The following MSN variants were observed in gnomAD, a reference collection of about 807,000 sequenced individuals.
The protein encoded by MSN is moesin.
Under a neutral mutation model 48.0 loss-of-function variants are expected in MSN, and 2 were observed. That is an observed-to-expected ratio of 0.04 (90% CI 0.02 to 0.13). The LOEUF (loss-of-function observed/expected upper bound fraction) is 0.13. MSN is among the 10% of genes least tolerant of loss of function. The pLI, the probability that MSN is intolerant of heterozygous loss-of-function variation, is 1.00. For missense variants in MSN, 267 were observed against 470.1 expected, an observed-to-expected ratio of 0.57 and a Z score of 3.99; for synonymous variants, 146 against 166.9, an observed-to-expected ratio of 0.87 and a Z score of 0.97.
chrX:65,625,826 T>G, intron 1 of MSN: 1 of 111,896 alleles, frequency 8.9e-6, no homozygotes, highest in Non-Finnish European at 1.9e-5. Flanking sequence ...TTTGTATTTC[T>G]TTTTCCCTTT....
At chrX:65,697,798 G>C (rs1451492965) in intron 1 of MSN, among the ~76,000 whole-genome samples, 3 of 112,427 alleles carry the variant, frequency 2.7e-5, no homozygotes, top group African/African-American at 9.7e-5. Flanking sequence ...GTCAATTTGT[G>C]TTTTTCCAGA....
intron 1 of MSN, among the ~76,000 whole-genome samples, chrX:65,656,167 A>G (rs1276760620): frequency 9.0e-6 from 1 of 111,684 alleles, no homozygotes; most frequent in African/African-American, 3.3e-5. Flanking sequence ...TCCCTTGATT[A>G]TTATAGTATT....
chrX:65,606,769 T>C (rs1473659945), intron 1 of MSN, among the ~76,000 whole-genome samples: 1 of 112,806 alleles, frequency 8.9e-6, no homozygotes, highest in East Asian at 2.8e-4. Context: ...GAACAGGGAC[T>C]GTCCATCGTA....
At chrX:65,648,916 A>ATAAAATAAAATAAAT (rs1179909957) in intron 1 of MSN, among the ~76,000 whole-genome samples, 1 of 109,762 alleles carries the variant, frequency 9.1e-6, no homozygotes, top group Non-Finnish European at 1.9e-5. Flanking sequence ...ATAAAATAAA[A>ATAAAATAAAATAAAT]TAAAATAAAA....
chrX:65,617,657 G>C (rs1243874611), intron 1 of MSN, among the ~76,000 whole-genome samples: 2 of 97,434 alleles, frequency 2.1e-5, no homozygotes, highest in African/African-American at 8.5e-5. Flanking sequence ...CAAAAAACCA[G>C]CTCCTGGATT....
intron 1 of MSN, among the ~76,000 whole-genome samples, chrX:65,609,305 A>C (rs1244234706): frequency 9.1e-6 from 1 of 109,787 alleles, no homozygotes; most frequent in Non-Finnish European, 1.9e-5. Flanking sequence ...AAGGGGATAT[A>C]GGGTTTCCAT....
intron 1 of MSN, among the ~76,000 whole-genome samples, chrX:65,637,065 G>A (rs1420182726): frequency 1.9e-5 from 2 of 105,658 alleles, no homozygotes; most frequent in Non-Finnish European, 3.9e-5. Context: ...TCTCCAGCCT[G>A]GACGACACAG....
intron 1 of MSN, among the ~76,000 whole-genome samples, chrX:65,638,864 G>A (rs2070626756): frequency 9.0e-6 from 1 of 111,694 alleles, no homozygotes; most frequent in South Asian, 3.7e-4. Flanking sequence ...AGAAAAACCT[G>A]GATATGAATC....
intron 6 of MSN, among the ~76,000 whole-genome samples, 173 bp from the exon 7 acceptor site, chrX:65,733,011 G>T (rs773178831): frequency 4.6e-5 from 5 of 109,472 alleles, no homozygotes; most frequent in South Asian, 4.0e-4. Context: ...AAGCCCAAGA[G>T]TTCAAGACCA....
At chrX:65,623,368 C>CTTTTTTT (rs773663630) in intron 1 of MSN, among the ~76,000 whole-genome samples, 1 of 74,174 alleles carries the variant, frequency 1.3e-5, no homozygotes, top group African/African-American at 4.8e-5. Context: ...TCTTTCTTTT[C>CTTTTTTT]TTTTTTTTTT....
chrX:65,642,471 C>T (rs1247199948), intron 1 of MSN, among the ~76,000 whole-genome samples: 1 of 110,127 alleles, frequency 9.1e-6, no homozygotes, highest in Non-Finnish European at 1.9e-5. Flanking sequence ...CAGGTTTGGG[C>T]ATGGCATACC....
At position 65,740,699 on chromosome X, in the gene MSN, C is replaced by T. The variant is rs193214340; in HGVS notation, c.*806C>T. 33 of 172,347 alleles carry T rather than the reference C, an allele frequency of 1.9e-4. No homozygotes were observed. Among genetic ancestry groups the T allele is most frequent in the Non-Finnish European group, 2.2e-5 (2 of 90,469 alleles). The allele number at this position is 172,347 out of a possible 1,213,427, so 14.2% of individuals were successfully genotyped here. On this transcript the variant is annotated 3_prime_UTR_variant, in exon 13 of 13. Coordinates refer to ENST00000360270, the MANE Select transcript of MSN (RefSeq NM_002444.3). ...GCTCTATGGGCAGATCTACCCCTTACTTATTATTCCAGATCTGCAGTCACT... is the reference window on the plus strand; with the variant it reads ...GCTCTATGGGCAGATCTACCCCTTATTTATTATTCCAGATCTGCAGTCACT...
chrX:65,716,703 G>T, intron 1 of MSN, 115 bp from the exon 2 acceptor site: 1 of 595,091 alleles, frequency 1.7e-6, no homozygotes, highest in African/African-American at 2.2e-5. Flanking sequence ...TATCTAAGTT[G>T]CCCAGGCTCT....
chrX:65,588,463 G>A (rs1244191680), exon 1 of MSN: 1 of 586,109 alleles, frequency 1.7e-6, no homozygotes, highest in Non-Finnish European at 2.1e-6. Flanking sequence ...TGGCCCTGGG[G>A]CCTGAGATCT....
intron 1 of MSN, among the ~76,000 whole-genome samples, chrX:65,683,942 CTT>C (rs370356986): frequency 1.4e-4 from 11 of 80,464 alleles, no homozygotes; most frequent in Admixed American, 2.6e-4. Flanking sequence ...CTTTCTTTTT[CTT>C]TTTTTTTTTT....
intron 1 of MSN, among the ~76,000 whole-genome samples, chrX:65,642,996 C>G (rs1331658347): frequency 1.8e-5 from 2 of 110,847 alleles, no homozygotes; most frequent in African/African-American, 3.3e-5. Context: ...TCGCTTCTCC[C>G]TTATCTCAGA....
At chrX:65,641,108 A>G (rs1186492342) in intron 1 of MSN, among the ~76,000 whole-genome samples, 1 of 110,499 alleles carries the variant, frequency 9.0e-6, no homozygotes, top group Non-Finnish European at 1.9e-5. Context: ...GAATCTGTCT[A>G]TAAATAAATA....
At chrX:65,613,946 T>A (rs966676204) in intron 1 of MSN, among the ~76,000 whole-genome samples, 1 of 111,988 alleles carries the variant, frequency 8.9e-6, no homozygotes, top group African/African-American at 3.2e-5. Flanking sequence ...AGTCTTTGCC[T>A]ATGTCTATGT....
intron 1 of MSN, among the ~76,000 whole-genome samples, chrX:65,706,366 G>A (rs1217593460): frequency 5.4e-5 from 6 of 111,621 alleles, no homozygotes; most frequent in Non-Finnish European, 7.5e-5. Flanking sequence ...CTGGGATTGC[G>A]TTGGTAGGGC....
Sources: gnomAD v4.1 joint callset for allele counts (sites outside exome capture counted in the v4.1 genomes callset) on GRCh38, gnomAD v4.1.1 for gene constraint, MANE v1.5 for transcripts, NCBI Gene and HGNC (gene_info 2026-07-23, HGNC 2026-07-21) for gene names.